ARMH3: variants seen among roughly 807,000 people sequenced by gnomAD.
ARMH3 encodes armadillo-like helical domain-containing protein 3.
Under a neutral mutation model 99.1 loss-of-function variants are expected in ARMH3, and 60 were observed. The ratio of observed to expected loss-of-function variants is 0.61; its 90% CI spans 0.49 to 0.75. ARMH3 has a LOEUF of 0.75. ARMH3 is among the 30% of genes least tolerant of loss of function. ARMH3 has a pLI of 0.00. For missense variants in ARMH3, 679 were observed against 843.1 expected (o/e 0.81, Z 2.41); for synonymous variants, 285 against 292.8 (o/e 0.97, Z 0.27).
At chr10:102,003,534 C>T (rs1194616718) in intron 14 of ARMH3, among the ~76,000 whole-genome samples, 1 of 152,174 alleles carries the variant, frequency 6.6e-6, no homozygotes, top group Admixed American at 6.5e-5. Context: ...TTGTTAAGTG[C>T]TTTTACACTG....
intron 24 of ARMH3, among the ~76,000 whole-genome samples, chr10:101,886,549 T>C (rs116339940): frequency 1.3e-4 from 20 of 152,210 alleles, no homozygotes; most frequent in African/African-American, 4.6e-4. Context: ...TTCAGTCACA[T>C]TGAGGGTATC....
chr10:102,035,525 T>G (rs1461618091), intron 2 of ARMH3, among the ~76,000 whole-genome samples: 1 of 152,234 alleles, frequency 6.6e-6, no homozygotes, highest in Non-Finnish European at 1.5e-5. Context: ...TGCCTCAGCC[T>G]GCGGAGTGCC....
intron 2 of ARMH3, among the ~76,000 whole-genome samples, chr10:102,039,798 C>G (rs2067364947): frequency 6.6e-6 from 1 of 152,124 alleles, no homozygotes; most frequent in Non-Finnish European, 1.5e-5. Flanking sequence ...ATGGCAACAA[C>G]CTATAAGGAC....
intron 24 of ARMH3, among the ~76,000 whole-genome samples, chr10:101,856,536 T>C (rs1242842361): frequency 6.6e-6 from 1 of 151,986 alleles, no homozygotes; most frequent in African/African-American, 2.4e-5. Context: ...CATGCAGTTC[T>C]GCTTTAACCC....
chr10:102,029,223 C>T (rs867470423), intron 5 of ARMH3, among the ~76,000 whole-genome samples: 6 of 152,172 alleles, frequency 3.9e-5, no homozygotes, highest in Non-Finnish European at 7.4e-5. Flanking sequence ...AATTATAAGG[C>T]TGTTATTTTA....
At chr10:102,052,354 G>A (rs778031831) in intron 1 of ARMH3, among the ~76,000 whole-genome samples, 9 of 151,978 alleles carry the variant, frequency 5.9e-5, no homozygotes, top group Non-Finnish European at 1.3e-4. Context: ...CTCCTTAGTA[G>A]CTGGCACTAC....
At chr10:101,950,832 G>A (rs1284193076) in intron 22 of ARMH3, among the ~76,000 whole-genome samples, 2 of 152,196 alleles carry the variant, frequency 1.3e-5, no homozygotes, top group Non-Finnish European at 2.9e-5. Flanking sequence ...CTCATGGGTA[G>A]GTTTCCTGTT....
intron 23 of ARMH3, among the ~76,000 whole-genome samples, chr10:101,927,790 G>T (rs1843566985): frequency 6.6e-6 from 1 of 152,094 alleles, no homozygotes; most frequent in Non-Finnish European, 1.5e-5. Context: ...AGAAAAAGAA[G>T]AGCTGGATGC....
chr10:101,935,174 A>ATAT (rs1843902399), intron 23 of ARMH3, among the ~76,000 whole-genome samples: 1 of 117,106 alleles, frequency 8.5e-6, no homozygotes, highest in African/African-American at 3.2e-5. Flanking sequence ...AAGGTGGAGC[A>ATAT]ATATATATAT....
At chr10:101,950,150 A>G (rs1166528484) in intron 22 of ARMH3, among the ~76,000 whole-genome samples, 1 of 152,144 alleles carries the variant, frequency 6.6e-6, no homozygotes, top group African/African-American at 2.4e-5. Flanking sequence ...GGCTGTAACC[A>G]GTACAATAAG....
intron 23 of ARMH3, among the ~76,000 whole-genome samples, chr10:101,889,919 T>C (rs2067646971): frequency 1.3e-5 from 2 of 152,170 alleles, no homozygotes; most frequent in African/African-American, 2.4e-5. Context: ...GAAGCAATCT[T>C]CATACTTGTT....
intron 24 of ARMH3, among the ~76,000 whole-genome samples, chr10:101,862,707 T>TA (rs893733974): frequency 1.9e-4 from 26 of 136,350 alleles, no homozygotes; most frequent in South Asian, 4.6e-4. Context: ...AATGAAATCA[T>TA]AAAAAAAAAA....
At chr10:101,989,084 G>A (rs752548461) in intron 19 of ARMH3, among the ~76,000 whole-genome samples, 1 of 152,098 alleles carries the variant, frequency 6.6e-6, no homozygotes, top group Non-Finnish European at 1.5e-5. Context: ...GAGCAATTCT[G>A]ATGTCACACT....
At chr10:101,908,769 T>C (rs982932654) in intron 23 of ARMH3, among the ~76,000 whole-genome samples, 1 of 151,608 alleles carries the variant, frequency 6.6e-6, no homozygotes, top group Admixed American at 6.6e-5. Flanking sequence ...GTTCAAGCGA[T>C]TCTCCTGCCT....
intron 17 of ARMH3, 23 bp downstream of exon 17, chr10:101,993,515 C>T: frequency 1.3e-6 from 2 of 1,560,552 alleles, no homozygotes; most frequent in Non-Finnish European, 1.7e-6. Context: ...TAAGAAAAAA[C>T]AAGAAGCAAA....
chr10:101,918,388 C>T (rs1475957634), intron 23 of ARMH3, among the ~76,000 whole-genome samples: 1 of 152,138 alleles, frequency 6.6e-6, no homozygotes, highest in African/African-American at 2.4e-5. Context: ...TATAGGAAAA[C>T]CAAACAGAGC....
At chr10:102,050,086 C>T (rs931010910) in intron 1 of ARMH3, among the ~76,000 whole-genome samples, 1 of 150,818 alleles carries the variant, frequency 6.6e-6, no homozygotes, top group Non-Finnish European at 1.5e-5. Context: ...GTGGTTGCAA[C>T]GAGCTGAGAT....
intron 23 of ARMH3, among the ~76,000 whole-genome samples, chr10:101,905,802 A>T (rs2068087565): frequency 6.6e-6 from 1 of 152,230 alleles, no homozygotes; most frequent in South Asian, 2.1e-4. Context: ...TTTCAGATGT[A>T]CAAAAAGGTG....
At chr10:101,936,491 C>CA (rs202009727) in intron 23 of ARMH3, among the ~76,000 whole-genome samples, 1,268 of 55,364 alleles carry the variant, frequency 0.023, 18 homozygotes, top group African/African-American at 0.049. Context: ...GACTCTGTCT[C>CA]AAAAAAAAAA....
Sources: allele counts gnomAD v4.1 joint callset (sites outside exome capture counted in the v4.1 genomes callset), GRCh38; gene constraint gnomAD v4.1.1; transcripts MANE v1.5; gene names NCBI Gene and HGNC (gene_info 2026-07-23, HGNC 2026-07-21).